Variants in CACNA1E observed in about 807,000 individuals in gnomAD.
The protein encoded by CACNA1E is calcium voltage-gated channel subunit alpha1 E.
Under a neutral mutation model 259.2 loss-of-function variants are expected in CACNA1E, and 40 were observed. The ratio of observed to expected loss-of-function variants is 0.15; its 90% CI spans 0.12 to 0.20. The LOEUF (loss-of-function observed/expected upper bound fraction) is 0.20. Ranked by LOEUF, CACNA1E falls within the 10% of genes least tolerant of loss-of-function variation. The pLI is 1.00. For synonymous variants in CACNA1E, 1,104 were observed against 1,138.5 expected (o/e 0.97, Z 0.61); for missense variants, 1,874 against 3,040.1 (o/e 0.62, Z 9.02).
intron 6 of CACNA1E, among the ~76,000 whole-genome samples, chr1:181,613,221 TCTC>T (rs1654905486): frequency 6.6e-6 from 1 of 152,182 alleles, no homozygotes; most frequent in Admixed American, 6.5e-5. Flanking sequence ...TTTGTTTTCT[TCTC>T]AGCATTTATG....
Position 181,717,318 on chromosome 1 carries a change from C to T in CACNA1E, c.1525+16C>T. On this transcript the variant is annotated intron_variant, in intron 11 of 47. Coordinates refer to ENST00000367573, the MANE Select transcript of CACNA1E (RefSeq NM_001205293.3). ...CACCTCCTCTGTAAGTAAAGCCTCT[C>T]TCTAAAGCCTCCTCTGCTGGTCCCC... The T allele has an allele frequency of 1.2e-6, 2 of 1,602,038 alleles. No individual in the cohort carries two copies. Among genetic ancestry groups the T allele is most frequent in the South Asian group, 1.1e-5 (1 of 90,816 alleles).
At chr1:181,795,579 T>G (rs556431344) in intron 46 of CACNA1E, among the ~76,000 whole-genome samples, 18 of 151,680 alleles carry the variant, frequency 1.2e-4, no homozygotes, top group African/African-American at 2.4e-5. Context: ...TAGCTGGGAC[T>G]ACAGGCGCCC....
intron 2 of CACNA1E, among the ~76,000 whole-genome samples, chr1:181,415,061 C>G (rs1480693420): frequency 1.3e-5 from 2 of 152,176 alleles, no homozygotes; most frequent in African/African-American, 4.8e-5. Context: ...CCTTTAAATA[C>G]AATGCAGCTC....
intron 1 of CACNA1E, among the ~76,000 whole-genome samples, chr1:181,366,541 G>C (rs535996430): frequency 1.3e-5 from 2 of 152,184 alleles, no homozygotes; most frequent in East Asian, 3.9e-4. Flanking sequence ...GCCTACCAAG[G>C]TGAGGCCACA....
In CACNA1E at chr1:181,758,514, A is replaced by G. The variant is rs1658287423; in HGVS notation, c.4495-244A>G. Among the ~76,000 whole-genome samples, 1 of 152,120 alleles carries G rather than the reference A, an allele frequency of 6.6e-6. No homozygotes were observed. The highest frequency in any genetic ancestry group is 1.5e-5 in the Non-Finnish European group (1 of 68,010). ...AAATGTTTCTTCCCTGCCCACCCTC[A>G]TCTCTAGGAAGACTGGCTGTTTTGC... On this transcript the variant is annotated intron_variant, in intron 31 of 47. Coordinates refer to ENST00000367573, the MANE Select transcript of CACNA1E (RefSeq NM_001205293.3). This position sits in a 1 kb window ranked among gnomAD's most constrained non-coding sequence, Gnocchi z 4.2.
At chr1:181,598,208 C>T (rs889858163) in intron 6 of CACNA1E, among the ~76,000 whole-genome samples, 4 of 152,160 alleles carry the variant, frequency 2.6e-5, no homozygotes, top group Admixed American at 1.3e-4. Context: ...ATTGGAGTGC[C>T]GACCGATTAC....
chr1:181,631,156 A>G (rs1656699726), intron 6 of CACNA1E, among the ~76,000 whole-genome samples: 1 of 152,140 alleles, frequency 6.6e-6, no homozygotes, highest in South Asian at 2.1e-4. Context: ...AGGGTGGCCG[A>G]GCTGCCAGCC....
chr1:181,545,574 C>T (rs989571261), intron 3 of CACNA1E, among the ~76,000 whole-genome samples: 1 of 152,136 alleles, frequency 6.6e-6, no homozygotes, highest in Non-Finnish European at 1.5e-5. Context: ...TGGCTCCACA[C>T]AGGCTGTCCC....
At chr1:181,701,802 T>C (rs1652287227) in intron 7 of CACNA1E, among the ~76,000 whole-genome samples, 1 of 152,216 alleles carries the variant, frequency 6.6e-6, no homozygotes, top group Non-Finnish European at 1.5e-5. Context: ...ATGGGAGGGA[T>C]TCATGAAGCA....
intron 43 of CACNA1E, among the ~76,000 whole-genome samples, chr1:181,787,498 A>G (rs1022578779): frequency 5.3e-5 from 8 of 152,176 alleles, no homozygotes; most frequent in African/African-American, 1.9e-4. Flanking sequence ...ACCCACCACC[A>G]TAGGATCACT....
At chr1:181,346,361 T>C (rs994979484) in intron 1 of CACNA1E, among the ~76,000 whole-genome samples, 1 of 152,246 alleles carries the variant, frequency 6.6e-6, no homozygotes, top group Non-Finnish European at 1.5e-5. Context: ...TAAAAACATT[T>C]CCCATATTGT....
At chr1:181,477,520 A>C (rs1487283983) in intron 2 of CACNA1E, among the ~76,000 whole-genome samples, 1 of 152,218 alleles carries the variant, frequency 6.6e-6, no homozygotes, top group Non-Finnish European at 1.5e-5. Flanking sequence ...GAATAAGTAA[A>C]CAAACACACA....
chr1:181,648,676 G>C (rs1434642881), intron 6 of CACNA1E, among the ~76,000 whole-genome samples: 2 of 152,158 alleles, frequency 1.3e-5, no homozygotes, highest in African/African-American at 4.8e-5. Context: ...ATGTAATTTT[G>C]GACATCCTCA....
At chr1:181,351,622 G>A (rs1653050940) in intron 1 of CACNA1E, among the ~76,000 whole-genome samples, 1 of 152,188 alleles carries the variant, frequency 6.6e-6, no homozygotes, top group Non-Finnish European at 1.5e-5. Flanking sequence ...CCCTCTGGGG[G>A]CTGTAGAGGA....
chr1:181,335,413 C>T (rs917045776), intron 1 of CACNA1E, among the ~76,000 whole-genome samples: 27 of 152,224 alleles, frequency 1.8e-4, no homozygotes, highest in African/African-American at 6.5e-4. Flanking sequence ...CACTGTCAAA[C>T]CTCCAAGAAA....
chr1:181,625,416 AGT>A (rs1251355344), intron 6 of CACNA1E, among the ~76,000 whole-genome samples: 1 of 152,142 alleles, frequency 6.6e-6, no homozygotes, highest in Non-Finnish European at 1.5e-5. Flanking sequence ...TCTGTTGTTT[AGT>A]GTACCCGTCT....
intron 1 of CACNA1E, among the ~76,000 whole-genome samples, chr1:181,338,088 T>C (rs4652648): frequency 0.51 from 78,153 of 151,826 alleles, 20,463 homozygotes; most frequent in Non-Finnish European, 0.56. Context: ...GTGGGCTTTT[T>C]TTTGTTTGTT....
chr1:181,738,718 T>A (rs1656289014), intron 24 of CACNA1E, among the ~76,000 whole-genome samples: 1 of 152,216 alleles, frequency 6.6e-6, no homozygotes. Context: ...AGTGCTTGTC[T>A]TGGCTGAGCC....
chr1:181,416,502 G>A (rs1454551024), intron 2 of CACNA1E, among the ~76,000 whole-genome samples: 3 of 152,068 alleles, frequency 2.0e-5, no homozygotes, highest in Non-Finnish European at 2.9e-5. Context: ...TTTGGGGCAC[G>A]GTTTCACTAA....
Sources: allele counts gnomAD v4.1 joint callset (sites outside exome capture counted in the v4.1 genomes callset), GRCh38; gene constraint gnomAD v4.1.1; non-coding constraint Gnocchi (gnomAD v3.1); transcripts MANE v1.5; gene names NCBI Gene and HGNC (gene_info 2026-07-23, HGNC 2026-07-21).